Variants in CHODL observed in about 807,000 individuals in gnomAD.
CHODL encodes chondrolectin.
Under a neutral mutation model 34.5 loss-of-function variants are expected in CHODL, and 29 were observed. The observed-to-expected ratio is 0.84, with a 90% CI of 0.63 to 1.15. The LOEUF (loss-of-function observed/expected upper bound fraction) is 1.15. Ranked by LOEUF, CHODL falls within the 50% of genes most tolerant of loss-of-function variation. The pLI, the probability that CHODL is intolerant of heterozygous loss-of-function variation, is 0.00. For missense variants in CHODL, 332 were observed against 332.5 expected, an observed-to-expected ratio of 1.00 and a Z score of 0.01; for synonymous variants, 125 against 116.1, an observed-to-expected ratio of 1.08 and a Z score of -0.49.
At chr21:18,213,666 T>G (rs1316131677) in intron 2 of CHODL, among the ~76,000 whole-genome samples, 1 of 152,082 alleles carries the variant, frequency 6.6e-6, no homozygotes, top group Admixed American at 6.6e-5. Flanking sequence ...GACTAGATAC[T>G]AAGAACTTGG....
rs58511535 is a variant in CHODL, at chr21:17,952,194, C to CAAAA, written c.-145+34812_-145+34815dup. Among the ~76,000 whole-genome samples, 533 of 80,346 alleles carry CAAAA rather than the reference C, an allele frequency of 6.6e-3. 20 individuals carry two copies. The highest frequency in any genetic ancestry group is 0.016 in the East Asian group (40 of 2,524). 52.7% of individuals were successfully genotyped at this position (80,346 alleles called of 152,430 possible). ...GATTGTGCAGAGCAATACTATGTCT[C>CAAAA]AAAAAAAAAAAAAAAAAAAAAGAAA... is the stretch of plus-strand genomic sequence containing the variant. On this transcript the variant is annotated intron_variant, in intron 1 of 6. Coordinates refer to the CHODL transcript ENST00000400127.
intron 1 of CHODL, among the ~76,000 whole-genome samples, chr21:18,002,942 T>C (rs35029595): frequency 0.36 from 54,954 of 151,558 alleles, 11,666 homozygotes; most frequent in African/African-American, 0.6. Context: ...GCTAACACGG[T>C]GAAACCCCGT....
chr21:18,097,365 T>A (rs565199572), intron 2 of CHODL, among the ~76,000 whole-genome samples: 1 of 152,274 alleles, frequency 6.6e-6, no homozygotes, highest in East Asian at 1.9e-4. Flanking sequence ...GTAAAACAAA[T>A]TGAGTAAAGT....
chr21:18,052,912 ATATT>A (rs2064534344), intron 2 of CHODL, among the ~76,000 whole-genome samples: 1 of 151,934 alleles, frequency 6.6e-6, no homozygotes, highest in African/African-American at 2.4e-5. Context: ...CCCCACAAAT[ATATT>A]TATTTTTCTC....
At chr21:18,105,676 C>A (rs1407984287) in intron 2 of CHODL, among the ~76,000 whole-genome samples, 2 of 152,116 alleles carry the variant, frequency 1.3e-5, no homozygotes, top group East Asian at 3.9e-4. Flanking sequence ...GCTAGGAAAC[C>A]AGGTACAGAT....
intron 2 of CHODL, among the ~76,000 whole-genome samples, chr21:18,072,830 C>T (rs1766728163): frequency 6.6e-6 from 1 of 152,036 alleles, no homozygotes; most frequent in African/African-American, 2.4e-5. Flanking sequence ...ACCAAATATA[C>T]CTATAAAAAA....
intron 1 of CHODL, among the ~76,000 whole-genome samples, chr21:18,024,430 A>G (rs2064154968): frequency 6.6e-6 from 1 of 152,192 alleles, no homozygotes; most frequent in African/African-American, 2.4e-5. Context: ...AAACTGGTTT[A>G]TTTAGGATCA....
At chr21:18,063,663 C>T (rs1258582180) in intron 2 of CHODL, among the ~76,000 whole-genome samples, 6 of 152,082 alleles carry the variant, frequency 3.9e-5, no homozygotes, top group Non-Finnish European at 8.8e-5. Context: ...GATGAATTAA[C>T]AAATATTCAG....
intron 2 of CHODL, among the ~76,000 whole-genome samples, chr21:18,162,494 A>G (rs899883506): frequency 2.0e-5 from 3 of 147,582 alleles, no homozygotes; most frequent in African/African-American, 5.0e-5. Context: ...TCTGTGTCCA[A>G]ATTTACCCAT....
At chr21:17,930,567 A>AT (rs2063264405) in intron 1 of CHODL, among the ~76,000 whole-genome samples, 1 of 152,182 alleles carries the variant, frequency 6.6e-6, no homozygotes, top group Non-Finnish European at 1.5e-5. Flanking sequence ...ACCCCTTCCT[A>AT]TCACAGCCAA....
At chr21:18,013,634 G>GGTTTTTTTTTTTTTT (rs1568844372) in intron 1 of CHODL, among the ~76,000 whole-genome samples, 9 of 36,268 alleles carry the variant, frequency 2.5e-4, no homozygotes, top group African/African-American at 1.6e-3. Context: ...TGCTGCTGCT[G>GGTTTTTTTTTTTTTT]CTTTTTTTTT....
chr21:17,929,880 G>GCT (rs1568802882), intron 1 of CHODL, among the ~76,000 whole-genome samples: 5 of 151,810 alleles, frequency 3.3e-5, no homozygotes, highest in South Asian at 2.1e-4. Flanking sequence ...TGTGTATCAC[G>GCT]GCTGCTGCTG....
intron 1 of CHODL, among the ~76,000 whole-genome samples, chr21:18,249,935 T>C (rs73318238): frequency 0.07 from 10,708 of 152,174 alleles, 1,240 homozygotes; most frequent in African/African-American, 0.24. Flanking sequence ...TAGCTCAAGC[T>C]ACCTAGAGGC....
intron 1 of CHODL, among the ~76,000 whole-genome samples, chr21:17,942,718 G>A (rs939259324): frequency 6.6e-6 from 1 of 152,178 alleles, no homozygotes; most frequent in Non-Finnish European, 1.5e-5. Flanking sequence ...CAATGGTTTC[G>A]TATTAGTCAA....
chr21:18,079,162 C>A (rs904292601), intron 2 of CHODL, among the ~76,000 whole-genome samples: 8 of 151,908 alleles, frequency 5.3e-5, no homozygotes, highest in African/African-American at 1.2e-4. Flanking sequence ...GTCTATTATT[C>A]TTCTCTGTAT....
At chr21:17,947,669 T>C (rs963894442) in intron 1 of CHODL, among the ~76,000 whole-genome samples, 4 of 151,856 alleles carry the variant, frequency 2.6e-5, no homozygotes, top group Admixed American at 6.6e-5. Context: ...AAAACACAGA[T>C]GTTGGCAAGG....
chr21:18,004,009 A>C (rs558289149), intron 1 of CHODL, among the ~76,000 whole-genome samples: 43 of 152,342 alleles, frequency 2.8e-4, no homozygotes, highest in Non-Finnish European at 5.3e-4. Context: ...TCGTCTTTCA[A>C]GGAATATAGT....
chr21:18,033,912 A>G (rs2064278004), intron 2 of CHODL, among the ~76,000 whole-genome samples: 1 of 152,056 alleles, frequency 6.6e-6, no homozygotes, highest in South Asian at 2.1e-4. Context: ...TATTCTCACA[A>G]AAATACTTTA....
intron 1 of CHODL, among the ~76,000 whole-genome samples, chr21:18,016,338 G>A (rs575305990): frequency 1.1e-4 from 16 of 152,336 alleles, no homozygotes; most frequent in African/African-American, 2.4e-4. Flanking sequence ...GATGCAAGCC[G>A]CAAGCCTTGG....
Sources: gnomAD v4.1 joint callset for allele counts (sites outside exome capture counted in the v4.1 genomes callset) on GRCh38, gnomAD v4.1.1 for gene constraint, MANE v1.5 for transcripts, NCBI Gene and HGNC (gene_info 2026-07-23, HGNC 2026-07-21) for gene names.